The following ATP2B4 variants were observed in gnomAD, a reference collection of about 807,000 sequenced individuals.
ATP2B4 encodes ATPase plasma membrane Ca2+ transporting 4, also known as plasma membrane calcium-transporting ATPase 4.
Under a neutral mutation model 110.3 loss-of-function variants are expected in ATP2B4, and 39 were observed. The ratio of observed to expected loss-of-function variants is 0.35; its 90% CI spans 0.27 to 0.46. The LOEUF (loss-of-function observed/expected upper bound fraction) is 0.46, where lower values mean the gene tolerates loss of function less well. Ranked by LOEUF, ATP2B4 falls within the 20% of genes least tolerant of loss-of-function variation. The pLI, the probability that ATP2B4 is intolerant of heterozygous loss-of-function variation, is 1.00. For missense variants in ATP2B4, 1,135 were observed against 1,530.9 expected (o/e 0.74, Z 4.32); for synonymous variants, 538 against 571.7 (o/e 0.94, Z 0.84).
At chr1:203,674,531 T>A (rs1016381061) in intron 1 of ATP2B4, among the ~76,000 whole-genome samples, 1 of 151,472 alleles carries the variant, frequency 6.6e-6, no homozygotes, top group African/African-American at 2.4e-5. Context: ...TGGAATGCAG[T>A]GGCACGATCT....
At chr1:203,707,289 C>T (rs1347046788) in intron 9 of ATP2B4, 66 bp downstream of exon 9, 2 of 1,469,060 alleles carry the variant, frequency 1.4e-6, no homozygotes, top group Non-Finnish European at 1.8e-6. Flanking sequence ...ACCATGTAAC[C>T]TTTAGTGAAA....
At chr1:203,709,687 G>T (rs1301008320) in intron 11 of ATP2B4, 145 bp downstream of exon 11, 5 of 1,333,670 alleles carry the variant, frequency 3.7e-6, no homozygotes, top group South Asian at 1.5e-5. Flanking sequence ...GTCTACTCAG[G>T]CCACGCATGT....
intron 1 of ATP2B4, among the ~76,000 whole-genome samples, chr1:203,662,063 C>T (rs1466817834): frequency 6.6e-6 from 1 of 150,926 alleles, no homozygotes; most frequent in Non-Finnish European, 1.5e-5. Context: ...GAGTCTCACT[C>T]AGTTGCCCAG....
intron 7 of ATP2B4, among the ~76,000 whole-genome samples, chr1:203,702,972 T>C (rs183719944): frequency 1.3e-5 from 2 of 152,358 alleles, no homozygotes; most frequent in East Asian, 3.9e-4. Context: ...ATCCCTGCTT[T>C]CTCTTATTCC....
chr1:203,710,839 G>T, intron 11 of ATP2B4, 38 bp from the exon 12 acceptor site: 1 of 1,470,752 alleles, frequency 6.8e-7, no homozygotes, highest in Non-Finnish European at 9.4e-7. Flanking sequence ...TATTGAGTGG[G>T]AAGGGAGACA....
At position 203,739,828 on chromosome 1, in the gene ATP2B4, C is replaced by T; in HGVS notation, c.3592C>T (p.Leu1198=). The T allele has an allele frequency of 6.2e-7, 1 of 1,613,846 alleles. No homozygotes were observed. The highest frequency in any genetic ancestry group is 8.5e-7 in the Non-Finnish European group (1 of 1,179,944). The change falls in exon 21 of 21, where the codon CTA becomes TTA. Residue 1198 remains leucine, a synonymous_variant. Transcript: ENST00000357681. ...GCAGCTCCCCCAGTCGGACAGCTCT[C>T]TACAGAGCCTAGAGACATCAGTTTG... ...QVQLPQSDSS[L]QSLETSV is the part of the protein sequence containing the mutation.
intron 18 of ATP2B4, among the ~76,000 whole-genome samples, 159 bp downstream of exon 18, chr1:203,722,848 C>T (rs890073395): frequency 2.0e-5 from 3 of 152,218 alleles, no homozygotes; most frequent in Non-Finnish European, 4.4e-5. Context: ...CTTTCTTTTG[C>T]ATATTGCTCT....
chr1:203,661,974 TTTTA>T (rs778609721), intron 1 of ATP2B4, among the ~76,000 whole-genome samples: 3 of 152,208 alleles, frequency 2.0e-5, no homozygotes, highest in Non-Finnish European at 4.4e-5. Flanking sequence ...CTTCTCCTAT[TTTTA>T]TTTATTTATT....
At chr1:203,667,109 G>T (rs1299971898) in intron 1 of ATP2B4, among the ~76,000 whole-genome samples, 2 of 152,110 alleles carry the variant, frequency 1.3e-5, no homozygotes, top group Non-Finnish European at 2.9e-5. Flanking sequence ...GCACCACCAT[G>T]CCTGGCTAAT....
chr1:203,701,938 A>G (rs1463230016), intron 6 of ATP2B4, 106 bp from the exon 7 acceptor site: 18 of 1,174,142 alleles, frequency 1.5e-5, no homozygotes, highest in African/African-American at 4.6e-5. Context: ...CTGCAACCCA[A>G]ACACTTTGCT....
intron 1 of ATP2B4, among the ~76,000 whole-genome samples, chr1:203,628,481 A>G (rs1034977056): frequency 2.6e-5 from 4 of 151,888 alleles, no homozygotes; most frequent in Non-Finnish European, 4.4e-5. Flanking sequence ...GGGCAGGGGG[A>G]ATGTCAGATG....
Position 203,727,427 on chromosome 1 carries a change from G to A in ATP2B4, c.3165G>A (p.Lys1055=), listed in dbSNP as rs977561129. 1.9e-6 allele frequency: 3 copies of A among 1,614,104 alleles called. No homozygotes were observed. In the African/African-American group the frequency reaches 4.0e-5, roughly 22 times the overall value. The stretch of plus-strand genomic sequence containing the variant: ...CCGCAATACCTACCCGATCCCTGAA[G>A]TTCCTGAAGGAGGCTGGGCATGGCA... ...FISAIPTRSL[K]FLKEAGHGTT... is the part of the protein sequence containing the mutation. The change falls in exon 20 of 21, where the codon AAG becomes AAA. Residue 1055 remains lysine (K), a synonymous_variant. Coordinates refer to ENST00000357681, the MANE Select transcript of ATP2B4 (RefSeq NM_001684.5).
chr1:203,671,325 T>C (rs1441810193), intron 1 of ATP2B4, among the ~76,000 whole-genome samples: 1 of 152,200 alleles, frequency 6.6e-6, no homozygotes, highest in Non-Finnish European at 1.5e-5. Flanking sequence ...TCATTTTTTT[T>C]CTTTATTTTG....
chr1:203,683,472 AG>A, intron 2 of ATP2B4, 74 bp downstream of exon 2: 2 of 1,452,378 alleles, frequency 1.4e-6, no homozygotes. Flanking sequence ...CCCAGCTTCT[AG>A]AGAAGGCACA....
chr1:203,679,865 A>C (rs1193061170), intron 1 of ATP2B4, among the ~76,000 whole-genome samples: 1 of 151,682 alleles, frequency 6.6e-6, no homozygotes, highest in Non-Finnish European at 1.5e-5. Flanking sequence ...CTGGCAACAG[A>C]GCGAGGCTCC....
At chr1:203,723,145 C>T (rs1455730671) in intron 18 of ATP2B4, among the ~76,000 whole-genome samples, 3 of 151,744 alleles carry the variant, frequency 2.0e-5, no homozygotes, top group Non-Finnish European at 2.9e-5. Context: ...GGGATTTGTA[C>T]ATGTATATTA....
intron 2 of ATP2B4, among the ~76,000 whole-genome samples, chr1:203,688,569 T>A (rs1665273915): frequency 6.6e-6 from 1 of 152,090 alleles, no homozygotes; most frequent in Non-Finnish European, 1.5e-5. Context: ...CCCAAAGTGC[T>A]AGGATTACAG....
In ATP2B4 at chr1:203,741,931, C is replaced by G. The variant is rs1440758805; in HGVS notation, c.*2077C>G. ...ACCTCAGATCATTTTAAATAGCAAG[C>G]CAATAACGAGCTTTGAAGGCTATTT... is the stretch of plus-strand genomic sequence containing the variant. On this transcript the variant is annotated 3_prime_UTR_variant, in exon 21 of 21. Transcript: ENST00000357681. The G allele has an allele frequency of 6.6e-6, 1 of 152,574 alleles. No individual in the cohort carries two copies. The highest frequency in any genetic ancestry group is 1.5e-5 in the Non-Finnish European group (1 of 68,014). The allele number at this position is 152,574 out of a possible 1,614,324, so 9.5% of individuals were successfully genotyped here. A position where few individuals can be genotyped will look rare whatever the true frequency, so the allele number is the denominator to read the frequency against.
At chr1:203,692,955 T>C (rs561101463) in intron 2 of ATP2B4, among the ~76,000 whole-genome samples, 2 of 152,308 alleles carry the variant, frequency 1.3e-5, no homozygotes, top group Admixed American at 6.5e-5. Flanking sequence ...TTCAGTCTGG[T>C]TCATAGGGCC....
Sources: gnomAD v4.1 joint callset for allele counts (sites outside exome capture counted in the v4.1 genomes callset) on GRCh38, gnomAD v4.1.1 for gene constraint, MANE v1.5 for transcripts, NCBI Gene and HGNC (gene_info 2026-07-23, HGNC 2026-07-21) for gene names.